Variants in VSTM4 observed in about 807,000 individuals in gnomAD.
The protein encoded by VSTM4 is V-set and transmembrane domain containing 4.
A neutral mutation model predicts 36.4 loss-of-function variants in VSTM4; 20 were observed. The observed-to-expected ratio is 0.55, with a 90% confidence interval of 0.39 to 0.80. The LOEUF is 0.80. Ranked by LOEUF, VSTM4 falls within the 30% of genes least tolerant of loss-of-function variation. VSTM4 has a pLI of 0.00. For synonymous variants in VSTM4, 182 were observed against 173.9 expected (o/e 1.05, Z -0.37); for missense variants, 392 against 404.5 (o/e 0.97, Z 0.26).
chr10:49,014,977 A>C lies in VSTM4; in HGVS notation c.*4673T>G, dbSNP rs1000789679. 2.0e-5 allele frequency: 3 copies of C among 152,236 alleles called. No homozygotes were observed. Among genetic ancestry groups the C allele is most frequent in the Non-Finnish European group, 2.9e-5 (2 of 68,110 alleles). The allele number at this position is 152,236 out of a possible 1,614,324, so 9.4% of individuals were successfully genotyped here. On this transcript the variant is annotated 3_prime_UTR_variant, in exon 8 of 8. Coordinates refer to ENST00000332853, the MANE Select transcript of VSTM4 (RefSeq NM_001031746.5). ...TGAGGACACCCCCTTTCCCGCAATG[A>C]GCACCAGATCCATGTTTCCAACAGT...
intron 3 of VSTM4, 91 bp downstream of exon 3, chr10:49,085,864 A>G: frequency 1.3e-6 from 1 of 775,226 alleles, no homozygotes; most frequent in Non-Finnish European, 2.0e-6. Flanking sequence ...CGTTGTGCAC[A>G]TGTACCCTAG....
chr10:49,033,341 T>C (rs1180741739), intron 7 of VSTM4, among the ~76,000 whole-genome samples: 2 of 152,180 alleles, frequency 1.3e-5, no homozygotes, highest in African/African-American at 4.8e-5. Context: ...CACACAGAAA[T>C]GGATTTGTCA....
chr10:49,107,610 T>A lies in VSTM4; in HGVS notation c.441A>T (p.Ser147=), dbSNP rs1238519788. The A allele has an allele frequency of 3.1e-6, 5 of 1,607,364 alleles. No homozygotes were observed. Among genetic ancestry groups the A allele is most frequent in the Non-Finnish European group, 4.3e-6 (5 of 1,174,650 alleles). The stretch of plus-strand genomic sequence containing the variant: ...GACCCTCACCTCTCATTTCCGTGGC[T>A]GAGGAGCCATTGGACCAGGCCGTCC... ...NKWTAWSNGS[S]ATEMRVISLK... The change falls in exon 2 of 8, where the codon TCA becomes TCT. Residue 147 remains serine (S), a synonymous_variant. Transcript: ENST00000332853.
In VSTM4 at chr10:49,018,438, C is replaced by A. The variant is rs975805679; in HGVS notation, c.*1212G>T. ...AGCTATATAGAGGGCACAACTCATACCCCAGCTGTGTTTAAAATAGATAAT... is the reference window on the plus strand; with the variant it reads ...AGCTATATAGAGGGCACAACTCATAACCCAGCTGTGTTTAAAATAGATAAT... On this transcript the variant is annotated 3_prime_UTR_variant, in exon 8 of 8. Coordinates refer to ENST00000332853, the MANE Select transcript of VSTM4 (RefSeq NM_001031746.5). 1.3e-5 allele frequency: 2 copies of A among 152,290 alleles called. No homozygotes were observed. Among genetic ancestry groups the A allele is most frequent in the Admixed American group, 1.3e-4 (2 of 15,298 alleles). The allele number at this position is 152,290 out of a possible 1,614,324, so 9.4% of individuals were successfully genotyped here.
At chr10:49,094,523 G>A (rs543905455) in intron 2 of VSTM4, among the ~76,000 whole-genome samples, 27 of 152,282 alleles carry the variant, frequency 1.8e-4, no homozygotes, top group African/African-American at 6.3e-4. Flanking sequence ...AGGTCCCTCA[G>A]GCAGCATCTT....
intron 4 of VSTM4, among the ~76,000 whole-genome samples, chr10:49,074,871 C>A (rs2131989146): frequency 6.6e-6 from 1 of 152,296 alleles, no homozygotes; most frequent in South Asian, 2.1e-4. Context: ...TGCTTCCACA[C>A]TCCAGCAGTT....
intron 2 of VSTM4, among the ~76,000 whole-genome samples, chr10:49,096,665 G>GTA (rs1844576324): frequency 6.9e-6 from 1 of 145,468 alleles, no homozygotes; most frequent in Non-Finnish European, 1.5e-5. Context: ...GTGTGTGTGT[G>GTA]TGTTTTGAGA....
intron 5 of VSTM4, among the ~76,000 whole-genome samples, chr10:49,050,309 A>G (rs1356495035): frequency 6.6e-6 from 1 of 152,266 alleles, no homozygotes; most frequent in East Asian, 1.9e-4. Flanking sequence ...GTGGTTCCCT[A>G]GAATGGGGGT....
intron 5 of VSTM4, among the ~76,000 whole-genome samples, chr10:49,055,604 G>A (rs568065627): frequency 2.6e-5 from 4 of 152,342 alleles, no homozygotes; most frequent in African/African-American, 9.6e-5. Context: ...CAAACAGGGG[G>A]AGTTTCCTAA....
chr10:49,113,787 A>G (rs35285557), intron 1 of VSTM4, among the ~76,000 whole-genome samples: 13,413 of 152,206 alleles, frequency 0.088, 969 homozygotes, highest in East Asian at 0.29. Flanking sequence ...CCCTCCCAGC[A>G]GGATCGTGGT....
chr10:49,095,826 A>G (rs1049437401), intron 2 of VSTM4, among the ~76,000 whole-genome samples: 4 of 152,126 alleles, frequency 2.6e-5, no homozygotes, highest in Non-Finnish European at 5.9e-5. Flanking sequence ...CTATGTTATG[A>G]GGCTGGGGCC....
At chr10:49,039,036 C>T (rs1030449300) in intron 7 of VSTM4, among the ~76,000 whole-genome samples, 5 of 152,068 alleles carry the variant, frequency 3.3e-5, no homozygotes, top group East Asian at 3.9e-4. Context: ...ACAGAGGAAC[C>T]GAAAAGTGCC....
chr10:49,112,305 A>G (rs766287086), intron 1 of VSTM4, among the ~76,000 whole-genome samples: 5 of 152,226 alleles, frequency 3.3e-5, no homozygotes, highest in African/African-American at 4.8e-5. Flanking sequence ...CACATGGGCT[A>G]AGCACTGGAT....
chr10:49,105,384 G>A (rs1341648136), intron 2 of VSTM4, among the ~76,000 whole-genome samples: 4 of 151,358 alleles, frequency 2.6e-5, no homozygotes, highest in Non-Finnish European at 5.9e-5. Flanking sequence ...GAGAGAGACA[G>A]AAAGAGAGAG....
At chr10:49,046,350 G>A (rs1251980788) in intron 7 of VSTM4, among the ~76,000 whole-genome samples, 1 of 152,178 alleles carries the variant, frequency 6.6e-6, no homozygotes, top group Non-Finnish European at 1.5e-5. Context: ...AATCTGTCTT[G>A]GATTGTTGGA....
At chr10:49,024,533 G>T (rs1843229138) in intron 7 of VSTM4, among the ~76,000 whole-genome samples, 2 of 152,174 alleles carry the variant, frequency 1.3e-5, no homozygotes, top group African/African-American at 4.8e-5. Flanking sequence ...GAGGAATTTG[G>T]ATCTTAGTTT....
chr10:49,052,796 TATAAC>T (rs1322257418), intron 5 of VSTM4, among the ~76,000 whole-genome samples: 1 of 152,202 alleles, frequency 6.6e-6, no homozygotes, highest in African/African-American at 2.4e-5. Context: ...TTTGTGCACT[TATAAC>T]ATTATGTTCA....
chr10:49,055,426 C>T (rs1020951252), intron 5 of VSTM4, among the ~76,000 whole-genome samples: 3 of 152,222 alleles, frequency 2.0e-5, no homozygotes, highest in African/African-American at 7.2e-5. Flanking sequence ...CACCCCATAA[C>T]CCCATGCCCA....
intron 7 of VSTM4, among the ~76,000 whole-genome samples, chr10:49,027,482 T>C (rs1200675078): frequency 2.0e-5 from 3 of 152,146 alleles, no homozygotes; most frequent in Non-Finnish European, 4.4e-5. Context: ...TGGGGTAAAA[T>C]TGAGTTTTGA....
Sources: gnomAD v4.1 joint callset for allele counts (sites outside exome capture counted in the v4.1 genomes callset) on GRCh38, gnomAD v4.1.1 for gene constraint, MANE v1.5 for transcripts, NCBI Gene and HGNC (gene_info 2026-07-23, HGNC 2026-07-21) for gene names.